Variants in RELCH observed in about 807,000 individuals in gnomAD.
RELCH encodes the protein RAB11 binding and LisH domain, coiled-coil and HEAT repeat containing, also known as RAB11-binding protein RELCH.
RELCH carries 41 observed loss-of-function variants against 150.3 expected under a neutral mutation model. The observed-to-expected ratio is 0.27, with a 90% CI of 0.21 to 0.35. The LOEUF is 0.35. Ranked by LOEUF, RELCH falls within the 10% of genes least tolerant of loss-of-function variation. The probability of loss-of-function intolerance (pLI) is 1.00; values close to 1 mark genes in which losing one functional copy is unlikely to be tolerated. For missense variants in RELCH, 1,092 were observed against 1,467.8 expected (o/e 0.74, Z 4.18); for synonymous variants, 478 against 531.8 (o/e 0.90, Z 1.39).
intron 8 of RELCH, among the ~76,000 whole-genome samples, chr18:62,230,253 A>T (rs996917845): frequency 4.6e-5 from 7 of 152,006 alleles, no homozygotes; most frequent in African/African-American, 1.7e-4. Context: ...GCTTGAGCCC[A>T]GGAGTTCTAG....
At chr18:62,279,408 CCTTA>C (rs748375123) in intron 22 of RELCH, among the ~76,000 whole-genome samples, 78 of 152,154 alleles carry the variant, frequency 5.1e-4, no homozygotes, top group African/African-American at 1.9e-3. Flanking sequence ...AGCATACCAC[CCTTA>C]CTTTGAGAAT....
rs2043465078 is a variant in RELCH at position 62,264,871 on chromosome 18, T to A, written c.2631+19T>A. On this transcript the variant is annotated intron_variant, in intron 18 of 28. Coordinates refer to ENST00000644646, the MANE Select transcript of RELCH (RefSeq NM_001346231.2). ...CACTAAGGTAAAAACTTGTATTCCATGTTTTCTTATATGAAAAAGACATAG... is the reference window on the plus strand; with the variant it reads ...CACTAAGGTAAAAACTTGTATTCCAAGTTTTCTTATATGAAAAAGACATAG... 6.3e-7 allele frequency: 1 copy of A among 1,586,026 alleles called. No individual in the cohort carries two copies. The highest frequency in any genetic ancestry group is 1.1e-5 in the South Asian group (1 of 87,372).
chr18:62,246,324 C>G (rs2042411635), intron 11 of RELCH: 1 of 152,032 alleles, frequency 6.6e-6, no homozygotes, highest in African/African-American at 2.4e-5. Context: ...ATATTCTATT[C>G]TGTTAGATTC....
chr18:62,187,642 G>A lies in RELCH; in HGVS notation c.137G>A (p.Gly46Asp). ...RAVLRLGAGS[G>D]LDPGSAGSLS... ...GTACTTCGGCTGGGCGCCGGAAGTG[G>A]CCTAGATCCTGGCTCTGCGGGCTCG... The change falls in exon 1 of 29, where the codon GGC becomes GAC. Residue 46 changes from glycine to aspartate, a missense_variant. Gly to Asp is a moderately conservative substitution (Grantham distance 94, BLOSUM62 -1). Coordinates refer to ENST00000644646, the MANE Select transcript of RELCH (RefSeq NM_001346231.2). The A allele has an allele frequency of 6.4e-7, 1 of 1,554,576 alleles. No individual in the cohort carries two copies. The highest frequency in any genetic ancestry group is 8.7e-7 in the Non-Finnish European group (1 of 1,148,116).
Position 62,268,681 on chromosome 18 carries a change from C to T in RELCH, c.2681-188C>T, listed in dbSNP as rs141028206. 4.1e-3 allele frequency: 1,359 copies of T among 334,880 alleles called. 15 individuals carry two copies. Among genetic ancestry groups the T allele is most frequent in the African/African-American group, 0.026 (1,201 of 46,174 alleles). 20.7% of individuals were successfully genotyped at this position (334,880 alleles called of 1,614,324 possible). ...TTGCCATTTATCAGAAATGTTTATG[C>T]TAGTGGCTCTTCAGGAAACACTAAG... is the stretch of plus-strand genomic sequence containing the variant. On this transcript the variant is annotated intron_variant, in intron 19 of 28. Transcript: ENST00000644646.
At chr18:62,233,137 A>G (rs913017822) in intron 10 of RELCH, among the ~76,000 whole-genome samples, 5 of 151,724 alleles carry the variant, frequency 3.3e-5, no homozygotes, top group Non-Finnish European at 7.4e-5. Context: ...ATTATTAAAT[A>G]TAGTTATATT....
intron 2 of RELCH, among the ~76,000 whole-genome samples, chr18:62,213,457 G>A (rs1020439764): frequency 9.2e-5 from 14 of 152,102 alleles, no homozygotes; most frequent in African/African-American, 2.7e-4. Context: ...TAGGCCGGGC[G>A]CTGTGGCTCA....
Position 62,244,851 on chromosome 18 carries a change from A to G in RELCH, c.1708A>G (p.Ile570Val). The G allele has an allele frequency of 6.2e-7, 1 of 1,612,320 alleles. No homozygotes were observed. The highest frequency in any genetic ancestry group is 8.5e-7 in the Non-Finnish European group (1 of 1,178,484). Residue 570 changes from isoleucine to valine, a missense_variant, in exon 11 of 29, where the codon ATC (isoleucine) becomes GTC (valine). Physicochemically the swap from Ile to Val is conservative, Grantham distance 29. This residue lies in a region of RELCH where 707 missense variants were observed against 1,025.4 expected (regional missense o/e 0.69). Transcript: ENST00000644646. ...DQLLHILFNL[I>V]KRPDDEQRQM... is the part of the protein sequence containing the mutation. ...GCTTCTCCACATACTTTTCAATTTG[A>G]TCAAGAGGCCAGATGATGAGCAAAG...
intron 27 of RELCH, among the ~76,000 whole-genome samples, chr18:62,298,096 C>T (rs1318134522): frequency 2.0e-5 from 3 of 150,870 alleles, no homozygotes; most frequent in Non-Finnish European, 2.9e-5. Context: ...TGCTTTATCC[C>T]CCCCCGTCTA....
intron 27 of RELCH, among the ~76,000 whole-genome samples, chr18:62,293,670 A>AC (rs947113437): frequency 6.6e-6 from 1 of 152,154 alleles, no homozygotes; most frequent in African/African-American, 2.4e-5. Flanking sequence ...AAACAGTTAT[A>AC]CTGTCACAAA....
chr18:62,266,305 A>G (rs932107415), intron 18 of RELCH, among the ~76,000 whole-genome samples: 4 of 151,942 alleles, frequency 2.6e-5, no homozygotes, highest in African/African-American at 9.7e-5. Flanking sequence ...TTTTTTAAAA[A>G]TACAGGCAAA....
In RELCH at chr18:62,221,014, G is replaced by GT. The variant is rs551959357; in HGVS notation, c.617-20dup. The GT allele has an allele frequency of 1.4e-3, 2,269 of 1,599,474 alleles. 8 individuals are homozygous for GT. Among genetic ancestry groups the GT allele is most frequent in the Admixed American group, 2.4e-3 (141 of 58,238 alleles). Reference sequence around the variant, plus strand: ...TTTTCTTGGTTGGATGCCTGTGTGTGTTTATTCCAAATCCCTGTCCAGTCC... The same window carrying GT: ...TTTTCTTGGTTGGATGCCTGTGTGTGTTTTATTCCAAATCCCTGTCCAGTCC... On this transcript the variant is annotated intron_variant, in intron 2 of 28. Transcript: ENST00000644646.
intron 28 of RELCH, among the ~76,000 whole-genome samples, chr18:62,301,716 A>C (rs2045672304): frequency 6.6e-6 from 1 of 152,150 alleles, no homozygotes; most frequent in African/African-American, 2.4e-5. Flanking sequence ...ACACCTTGAG[A>C]ATCACTGCTT....
chr18:62,221,308 T>G, intron 4 of RELCH, 34 bp downstream of exon 4: 1 of 1,566,212 alleles, frequency 6.4e-7, no homozygotes, highest in Non-Finnish European at 8.8e-7. Context: ...AAATTAATCT[T>G]CCACATTAAA....
At chr18:62,193,750 C>G (rs1224858440) in intron 1 of RELCH, among the ~76,000 whole-genome samples, 1 of 152,196 alleles carries the variant, frequency 6.6e-6, no homozygotes, top group Non-Finnish European at 1.5e-5. Flanking sequence ...TGACGTGCTG[C>G]TGGCTTCGAT....
At position 62,223,539 on chromosome 18, in the gene RELCH, G is replaced by A. The variant is rs573056144; in HGVS notation, c.858+2042G>A. Among the ~76,000 whole-genome samples, 4 of 152,132 alleles carry A rather than the reference G, an allele frequency of 2.6e-5. No individual in the cohort carries two copies. The South Asian group carries it at 8.3e-4, about 32-fold the overall frequency. ...GGAAGAAGTAATACAAACTCTTCTA[G>A]AAATTAAAGATAAGGGAATACTTCC... On this transcript the variant is annotated intron_variant, in intron 5 of 28. Transcript: ENST00000644646.
chr18:62,246,177 G>A (rs1034602440), intron 11 of RELCH: 59 of 152,038 alleles, frequency 3.9e-4, no homozygotes, highest in African/African-American at 1.3e-3. Context: ...ACCATTTATC[G>A]TAAAACATTG....
At chr18:62,249,049 T>C (rs2042567595) in intron 11 of RELCH, among the ~76,000 whole-genome samples, 1 of 152,242 alleles carries the variant, frequency 6.6e-6, no homozygotes. Context: ...TGTTTTCCTA[T>C]GTTATAATTT....
At chr18:62,236,375 A>AT (rs943065751) in intron 10 of RELCH, among the ~76,000 whole-genome samples, 8 of 151,616 alleles carry the variant, frequency 5.3e-5, no homozygotes, top group African/African-American at 1.9e-4. Context: ...TTTGTTAAGT[A>AT]TTTTTTTGTC....
Sources: gnomAD v4.1 joint callset for allele counts (sites outside exome capture counted in the v4.1 genomes callset) on GRCh38, gnomAD v4.1.1 for gene constraint, gnomAD v4.1.1 regional missense constraint, MANE v1.5 for transcripts, NCBI Gene and HGNC (gene_info 2026-07-23, HGNC 2026-07-21) for gene names.